Variants in NUMA1 observed in about 807,000 individuals in gnomAD.
NUMA1 encodes the protein SP-H antigen.
In NUMA1, 62 loss-of-function variants were observed where a neutral mutation model predicts 237.1. That is an observed-to-expected ratio of 0.26 (90% confidence interval 0.21 to 0.32). NUMA1 has a LOEUF of 0.32. Ranked by LOEUF, NUMA1 falls within the 10% of genes least tolerant of loss-of-function variation. NUMA1 has a pLI of 1.00. For missense variants in NUMA1, 2,533 were observed against 2,666.5 expected (o/e 0.95, Z 1.10); for synonymous variants, 1,028 against 1,066.1 (o/e 0.96, Z 0.70).
Position 72,010,792 on chromosome 11 carries a change from C to T in NUMA1, c.4713G>A (p.Lys1571=). The T allele has an allele frequency of 6.2e-7, 1 of 1,613,586 alleles. No homozygotes were observed. ...ATTCCCCCAGCTGCCCCACCTTCAG[C>T]TTCTGCTGCTGCACCTTGCTGGCTT... The part of the protein sequence containing the change: ...SDQASKVQQQ[K]LKAVQAQGGE... Residue 1571 remains lysine, a synonymous_variant, in exon 17 of 27, where the codon AAG becomes AAA. Transcript: ENST00000393695.
intron 1 of NUMA1, chr11:72,076,430 G>A (rs987416866): frequency 6.6e-6 from 1 of 152,084 alleles, no homozygotes; most frequent in East Asian, 1.9e-4. Flanking sequence ...TTAATATGTA[G>A]TGAAAAACAA....
rs774847450 is a variant in NUMA1, at chr11:72,023,045, G to A, written c.291+20C>T. On this transcript the variant is annotated intron_variant, in intron 6 of 26. Transcript: ENST00000393695. ...ACCCCAACCCTGCCCTGCCTCCCCA[G>A]TCTGGTATTCCATAGGTACCTTCGC... The A allele has an allele frequency of 1.1e-5, 18 of 1,594,960 alleles. No individual in the cohort carries two copies. Among genetic ancestry groups the A allele is most frequent in the Admixed American group, 1.7e-5 (1 of 59,956 alleles).
At chr11:72,019,812 C>T (rs899972614) in intron 8 of NUMA1, among the ~76,000 whole-genome samples, 195 bp from the exon 9 acceptor site, 1 of 152,178 alleles carries the variant, frequency 6.6e-6, no homozygotes, top group South Asian at 2.1e-4. Context: ...TGTCTCTAAC[C>T]AAAATGAAGT....
At chr11:72,026,056 A>G (rs1414488411) in intron 4 of NUMA1, among the ~76,000 whole-genome samples, 5 of 152,340 alleles carry the variant, frequency 3.3e-5, no homozygotes, top group East Asian at 3.9e-4. Context: ...TACAACATGC[A>G]TTATTTCCTA....
intron 3 of NUMA1, among the ~76,000 whole-genome samples, chr11:72,029,560 T>G (rs1940023383): frequency 1.3e-5 from 2 of 152,332 alleles, no homozygotes; most frequent in Admixed American, 6.5e-5. Context: ...TGGGAGTATT[T>G]TGGAAGGATA....
At chr11:72,012,335 G>A (rs927495276) in intron 16 of NUMA1, 66 bp downstream of exon 16, 49 of 1,491,482 alleles carry the variant, frequency 3.3e-5, no homozygotes, top group African/African-American at 5.5e-5. Context: ...AGCTGCAGCC[G>A]GGCTCATGCA....
chr11:72,054,054 G>A (rs550416803), intron 2 of NUMA1, among the ~76,000 whole-genome samples: 1 of 152,296 alleles, frequency 6.6e-6, no homozygotes, highest in East Asian at 1.9e-4. Context: ...AATCCCCACA[G>A]ATGCTGAGGG....
At chr11:72,051,368 A>T (rs1306015820) in intron 2 of NUMA1, among the ~76,000 whole-genome samples, 1 of 152,220 alleles carries the variant, frequency 6.6e-6, no homozygotes. Context: ...TCCAAAATAC[A>T]TAAGATATGT....
chr11:72,005,895 C>T (rs752781901), intron 22 of NUMA1, 140 bp downstream of exon 22: 60 of 716,452 alleles, frequency 8.4e-5, no homozygotes, highest in Middle Eastern at 8.2e-4. Context: ...CCTGAGGCTG[C>T]AGGAAGGAGG....
intron 1 of NUMA1, among the ~76,000 whole-genome samples, chr11:72,070,588 G>A (rs372473147): frequency 9.2e-5 from 14 of 152,112 alleles, no homozygotes; most frequent in Non-Finnish European, 1.3e-4. Flanking sequence ...TGGGCAGATC[G>A]CTTGAGCTCA....
chr11:72,008,877 G>C, intron 19 of NUMA1, 32 bp from the exon 20 acceptor site: 1 of 1,613,806 alleles, frequency 6.2e-7, no homozygotes, highest in South Asian at 1.1e-5. Flanking sequence ...GGAGAGTGAA[G>C]AAAAGCCTAA....
chr11:72,074,907 G>T (rs1238720083), intron 1 of NUMA1, among the ~76,000 whole-genome samples: 1 of 152,092 alleles, frequency 6.6e-6, no homozygotes, highest in East Asian at 1.9e-4. Flanking sequence ...AGTGGCACGT[G>T]CCTGTAATCC....
rs1385496175 is a variant in NUMA1, at chr11:72,008,729, C to T, written c.5175G>A (p.Leu1725=). ...GGGTCCCCTCCTCGCAGCTCAGATC[C>T]AGGCTGTCAATACTCAAGTCCAGCT... ...KPQLDLSIDS[L]DLSCEEGTPL... Residue 1725 remains leucine (L), a synonymous_variant, in exon 20 of 27, where the codon CTG becomes CTA. Coordinates refer to ENST00000393695, the MANE Select transcript of NUMA1 (RefSeq NM_006185.4). 2 of 1,614,050 alleles carry T rather than the reference C, an allele frequency of 1.2e-6. No individual in the cohort carries two copies. The highest frequency in any genetic ancestry group is 2.2e-5 in the South Asian group (2 of 91,076).
In NUMA1 at chr11:72,016,183, C is replaced by T; in HGVS notation, c.1320G>A (p.Glu440=). The T allele has an allele frequency of 6.2e-7, 1 of 1,613,274 alleles. No homozygotes were observed. The highest frequency in any genetic ancestry group is 8.5e-7 in the Non-Finnish European group (1 of 1,179,538). ...TQLQARVEML[E]TERGQQEAKL... ...TGGCTTCCTGCTGGCCTCGCTCAGT[C>T]TCCAGCATCTCTACCCTGGCTTGGA... is the stretch of plus-strand genomic sequence containing the variant. The change falls in exon 15 of 27, where the codon GAG becomes GAA. Residue 440 remains glutamate, a synonymous_variant. Transcript: ENST00000393695.
At chr11:72,055,467 C>T (rs1942585056) in intron 2 of NUMA1, among the ~76,000 whole-genome samples, 1 of 152,132 alleles carries the variant, frequency 6.6e-6, no homozygotes, top group Non-Finnish European at 1.5e-5. Flanking sequence ...ACATGAGCCA[C>T]TCACTTATGA....
rs142589474 is a variant in NUMA1 at position 72,006,151 on chromosome 11, C to T, written c.5576G>A (p.Arg1859His). ...RATSSTQSLARLGSPDYGNSA... is the reference protein window; with the variant it reads ...RATSSTQSLAHLGSPDYGNSA... Reference sequence around the variant, plus strand: ...GTTGCCATAATCGGGAGAACCCAGGCGAGCTAGAGACTGAGTAGAGGAGGT... The same window carrying T: ...GTTGCCATAATCGGGAGAACCCAGGTGAGCTAGAGACTGAGTAGAGGAGGT... Residue 1859 changes from arginine (R) to histidine (H), a missense_variant, in exon 22 of 27, where the codon CGC becomes CAC. Coordinates refer to ENST00000393695, the MANE Select transcript of NUMA1 (RefSeq NM_006185.4). The T allele has an allele frequency of 2.7e-5, 43 of 1,614,052 alleles. 1 individual carries two copies. Among genetic ancestry groups the T allele is most frequent in the South Asian group, 9.9e-5 (9 of 91,086 alleles).
At chr11:72,042,471 G>C (rs1314199076) in intron 2 of NUMA1, among the ~76,000 whole-genome samples, 1 of 152,190 alleles carries the variant, frequency 6.6e-6, no homozygotes, top group African/African-American at 2.4e-5. Flanking sequence ...AATAGGGAAG[G>C]ATTACGAAAA....
At chr11:72,067,393 A>G (rs541693697) in intron 2 of NUMA1, 1 of 152,328 alleles carries the variant, frequency 6.6e-6, no homozygotes, top group East Asian at 1.9e-4. Context: ...AAAGTCTCTC[A>G]ATCCTCTGAA....
chr11:72,017,586 A>G (rs1458643012), intron 13 of NUMA1, 101 bp downstream of exon 13: 7 of 1,414,172 alleles, frequency 4.9e-6, no homozygotes, highest in African/African-American at 4.2e-5. Context: ...TTGAAGAGAA[A>G]GCAACTTAAT....
Sources: allele counts gnomAD v4.1 joint callset (sites outside exome capture counted in the v4.1 genomes callset), GRCh38; gene constraint gnomAD v4.1.1; transcripts MANE v1.5; gene names NCBI Gene and HGNC (gene_info 2026-07-23, HGNC 2026-07-21).